DMC1: variants seen among roughly 807,000 people sequenced by gnomAD.
DMC1 encodes the protein meiotic recombination protein DMC1 homolog.
In DMC1, 27 loss-of-function variants were observed where a neutral mutation model predicts 50.1. That is an observed-to-expected ratio of 0.54 (90% CI 0.40 to 0.74). DMC1 has a LOEUF of 0.74. Among genes scored for constraint, DMC1 ranks in the 30% least tolerant of loss-of-function variants. The pLI is 0.00. For synonymous variants in DMC1, 148 were observed against 136.1 expected (o/e 1.09, Z -0.61); for missense variants, 295 against 420.2 (o/e 0.70, Z 2.60).
chr22:38,509,826 C>T, the DMC1 span, among the ~76,000 whole-genome samples: 8 of 151,966 alleles, frequency 5.3e-5, no homozygotes, highest in Non-Finnish European at 7.4e-5. Flanking sequence ...TGCGACATGA[C>T]GCTAATTTTT....
At chr22:38,568,374 G>A in intron 1 of DMC1, 85 bp from the exon 2 acceptor site, 2 of 978,870 alleles carry the variant, frequency 2.0e-6, no homozygotes, top group Middle Eastern at 4.1e-4. Context: ...AGGACTAGAA[G>A]GACAGTAAGA....
intron 8 of DMC1, 98 bp downstream of exon 8, chr22:38,549,827 T>C (rs1228136338): frequency 6.7e-6 from 6 of 900,244 alleles, no homozygotes; most frequent in South Asian, 2.9e-5. Context: ...TACTGGTTTA[T>C]GGAATGACTA....
At chr22:38,551,282 A>G (rs1467024846) in intron 7 of DMC1, among the ~76,000 whole-genome samples, 2 of 148,880 alleles carry the variant, frequency 1.3e-5, no homozygotes, top group Non-Finnish European at 2.9e-5. Context: ...TTTATGCTAT[A>G]TAACTAATAT....
chr22:38,545,573 C>G (rs1299774583), intron 8 of DMC1, among the ~76,000 whole-genome samples: 1 of 152,150 alleles, frequency 6.6e-6, no homozygotes, highest in Non-Finnish European at 1.5e-5. Flanking sequence ...AGGTGCCCAC[C>G]ACTGCGCCTG....
In DMC1 at chr22:38,540,659, C is replaced by G. The variant is rs1350264176; in HGVS notation, c.495-1247G>C. Among the ~76,000 whole-genome samples the G allele has an allele frequency of 2.6e-5, 4 of 152,110 alleles. No individual in the cohort carries two copies. The East Asian group carries it at 7.7e-4, about 29-fold the overall frequency. On this transcript the variant is annotated intron_variant, in intron 8 of 13. Coordinates refer to ENST00000216024, the MANE Select transcript of DMC1 (RefSeq NM_007068.4). ...GTTTGCAATTAATTTAAATTCCCAG[C>G]CATTTATATCCTAATGCACTAGATA...
intron 8 of DMC1, among the ~76,000 whole-genome samples, chr22:38,539,674 C>T (rs1193127134): frequency 2.0e-5 from 3 of 152,126 alleles, no homozygotes; most frequent in African/African-American, 7.2e-5. Flanking sequence ...CAAAACTTTA[C>T]AATAACCTTG....
chr22:38,526,569 T>TCC (rs144749797), intron 12 of DMC1, among the ~76,000 whole-genome samples: 2,521 of 151,450 alleles, frequency 0.017, 47 homozygotes, highest in East Asian at 0.083. Context: ...AATAAAAACA[T>TCC]CCCCTCCCCA....
chr22:38,539,051 T>G (rs909030605), intron 9 of DMC1, among the ~76,000 whole-genome samples: 1 of 151,248 alleles, frequency 6.6e-6, no homozygotes, highest in Non-Finnish European at 1.5e-5. Context: ...AAAAAAAAAA[T>G]TATTGCATAT....
chr22:38,537,604 C>G lies in DMC1; in HGVS notation c.824G>C (p.Gly275Ala), dbSNP rs553514290. The part of the protein sequence containing the change: ...FVTNQMTADP[G>A]ATMTFQADPK... ...TATTGGGGCTTACGTCATAGTTGCT[C>G]CTGGATCGGCAGTCATTTGATTGGT... The change falls in exon 12 of 14, where the codon GGA (glycine) becomes GCA (alanine). Residue 275 changes from glycine (G) to alanine (A), a missense_variant. By Grantham distance (60) the Gly-to-Ala change is moderately conservative. Coordinates refer to ENST00000216024, the MANE Select transcript of DMC1 (RefSeq NM_007068.4). 6.2e-7 allele frequency: 1 copy of G among 1,613,892 alleles called. No individual in the cohort carries two copies. Among genetic ancestry groups the G allele is most frequent in the East Asian group, 2.2e-5 (1 of 44,880 alleles).
chr22:38,550,430 C>T (rs1479078365), intron 7 of DMC1, among the ~76,000 whole-genome samples: 3 of 150,204 alleles, frequency 2.0e-5, no homozygotes, highest in Admixed American at 1.3e-4. Context: ...TCTTCTGCCT[C>T]AGCCTCCCAA....
intron 12 of DMC1, among the ~76,000 whole-genome samples, chr22:38,536,182 T>C (rs2090210309): frequency 6.6e-6 from 1 of 151,642 alleles, no homozygotes; most frequent in Non-Finnish European, 1.5e-5. Context: ...TGCCACTGCA[T>C]TGCAGCTTGG....
intron 4 of DMC1, among the ~76,000 whole-genome samples, chr22:38,565,005 G>A (rs1367051791): frequency 6.6e-6 from 1 of 152,212 alleles, no homozygotes; most frequent in Non-Finnish European, 1.5e-5. Context: ...CGTTGGTGAA[G>A]AGAGCTTCTC....
At chr22:38,554,090 C>T (rs749853535) in intron 6 of DMC1, among the ~76,000 whole-genome samples, 3 of 151,810 alleles carry the variant, frequency 2.0e-5, no homozygotes, top group Non-Finnish European at 4.4e-5. Flanking sequence ...GATGGCACCA[C>T]TGCACTGCAG....
chr22:38,550,317 C>CTTTTTTTTTTTTTTTTT (rs11458767), intron 7 of DMC1, among the ~76,000 whole-genome samples: 2 of 133,990 alleles, frequency 1.5e-5, no homozygotes, highest in African/African-American at 5.5e-5. Context: ...CTTTTCTTTT[C>CTTTTTTTTTTTTTTTTT]TTTTTTTTTT....
rs147307726 is a variant in DMC1, at chr22:38,537,501, C to T, written c.836+91G>A. On this transcript the variant is annotated intron_variant, in intron 12 of 13. Coordinates refer to ENST00000216024, the MANE Select transcript of DMC1 (RefSeq NM_007068.4). ...TGCTGGAATTACAGGCGTGAGCCAC[C>T]GTGCCCGGCCTTGAAATTATTTTCT... 2,793 of 1,253,354 alleles carry T rather than the reference C, an allele frequency of 2.2e-3. 56 individuals are homozygous for T. The African/African-American group carries it at 0.037, about 17-fold the overall frequency. 77.6% of individuals were successfully genotyped at this position (1,253,354 alleles called of 1,614,324 possible).
At chr22:38,536,064 T>TA (rs1319479198) in intron 12 of DMC1, among the ~76,000 whole-genome samples, 2 of 151,248 alleles carry the variant, frequency 1.3e-5, no homozygotes, top group East Asian at 2.0e-4. Flanking sequence ...CTTCTAAAAA[T>TA]AAAAAAATTA....
At chr22:38,536,152 G>T (rs2145852166) in intron 12 of DMC1, among the ~76,000 whole-genome samples, 1 of 151,942 alleles carries the variant, frequency 6.6e-6, no homozygotes, top group South Asian at 2.1e-4. Context: ...AGAGGCAGAG[G>T]TTGCAGTGAG....
chr22:38,547,546 GT>G (rs796715582), intron 8 of DMC1, among the ~76,000 whole-genome samples: 15 of 142,944 alleles, frequency 1.0e-4, no homozygotes, highest in East Asian at 2.0e-4. Context: ...ATTTGTTTTT[GT>G]TTTTTTTTTT....
intron 11 of DMC1, 128 bp downstream of exon 11, chr22:38,538,167 G>A (rs2090236961): frequency 1.3e-6 from 1 of 761,534 alleles, no homozygotes; most frequent in Non-Finnish European, 2.2e-6. Flanking sequence ...AAAACAAAGA[G>A]TTGTATTCTC....
Sources: allele counts gnomAD v4.1 joint callset (sites outside exome capture counted in the v4.1 genomes callset), GRCh38; gene constraint gnomAD v4.1.1; transcripts MANE v1.5; gene names NCBI Gene and HGNC (gene_info 2026-07-23, HGNC 2026-07-21).